GADL1: variants seen among roughly 807,000 people sequenced by gnomAD.
GADL1 encodes GAD like acidic amino acid decarboxylase 1.
Under a neutral mutation model 69.5 loss-of-function variants are expected in GADL1, and 71 were observed. The ratio of observed to expected loss-of-function variants is 1.02; its 90% CI spans 0.84 to 1.25. The LOEUF (loss-of-function observed/expected upper bound fraction) is 1.25, where lower values mean the gene tolerates loss of function less well. Among genes scored for constraint, GADL1 ranks in the 50% most tolerant of loss-of-function variants. The pLI is 0.00. For missense variants in GADL1, 737 were observed against 631.8 expected (o/e 1.17, Z -1.79); for synonymous variants, 254 against 214.4 (o/e 1.18, Z -1.62).
intron 2 of GADL1, among the ~76,000 whole-genome samples, chr3:30,860,658 A>G (rs753206663): frequency 1.3e-5 from 2 of 152,046 alleles, no homozygotes; most frequent in African/African-American, 4.8e-5. Flanking sequence ...TTTAAAAATG[A>G]TACTTATTTC....
intron 1 of GADL1, among the ~76,000 whole-genome samples, chr3:30,865,337 G>A (rs1034361389): frequency 4.0e-5 from 6 of 151,294 alleles, no homozygotes; most frequent in African/African-American, 1.5e-4. Flanking sequence ...AATAAAGAAA[G>A]GTTAAGCTCT....
chr3:30,856,096 G>C (rs528225127), intron 3 of GADL1, among the ~76,000 whole-genome samples: 3 of 152,060 alleles, frequency 2.0e-5, no homozygotes, highest in Admixed American at 6.6e-5. Flanking sequence ...GTAATAATAA[G>C]ATACATATCT....
chr3:30,860,405 TA>T (rs974608323), intron 2 of GADL1, among the ~76,000 whole-genome samples: 6 of 151,742 alleles, frequency 4.0e-5, no homozygotes, highest in African/African-American at 1.2e-4. Context: ...TAAAGGCCAA[TA>T]AAAAAAACTG....
At chr3:30,735,297 TTTC>T (rs1300225898) in intron 14 of GADL1, among the ~76,000 whole-genome samples, 1 of 152,170 alleles carries the variant, frequency 6.6e-6, no homozygotes, top group Non-Finnish European at 1.5e-5. Context: ...TTCACTCTAT[TTTC>T]TTCTTCTTCT....
intron 6 of GADL1, among the ~76,000 whole-genome samples, chr3:30,847,755 A>G (rs1698081325): frequency 6.6e-6 from 1 of 152,166 alleles, no homozygotes. Flanking sequence ...CATGTTAGCC[A>G]AGGCATATAT....
At chr3:30,757,739 C>T (rs2125482875) in intron 14 of GADL1, among the ~76,000 whole-genome samples, 1 of 152,070 alleles carries the variant, frequency 6.6e-6, no homozygotes, top group Admixed American at 6.5e-5. Flanking sequence ...AGGAGTTCTA[C>T]AACTCCTACA....
chr3:30,871,658 C>G lies in GADL1; in HGVS notation c.38-9893G>C, dbSNP rs1013706993. 1.2e-4 allele frequency among the ~76,000 whole-genome samples: 18 copies of G among 151,758 alleles called. 1 individual carries two copies. Among genetic ancestry groups the G allele is most frequent in the African/African-American group, 4.4e-4 (18 of 41,244 alleles). ...TGGGAGGGAACATGTTCCCGTCACC[C>G]AGAGTTTTACATTATGAGACTACGT... On this transcript the variant is annotated intron_variant, in intron 1 of 14. Coordinates refer to ENST00000282538, the MANE Select transcript of GADL1 (RefSeq NM_207359.3).
At chr3:30,765,551 C>T (rs1443846293) in intron 14 of GADL1, among the ~76,000 whole-genome samples, 1 of 152,218 alleles carries the variant, frequency 6.6e-6, no homozygotes, top group African/African-American at 2.4e-5. Context: ...AGTACCAGGG[C>T]TTGCTTCATG....
intron 11 of GADL1, among the ~76,000 whole-genome samples, chr3:30,826,709 G>T (rs1167493612): frequency 6.6e-6 from 1 of 151,030 alleles, no homozygotes; most frequent in African/African-American, 2.5e-5. Context: ...GTCAAGAGAG[G>T]ACCCAGGGAG....
At chr3:30,827,235 GGTGA>G (rs1697696032) in intron 11 of GADL1, among the ~76,000 whole-genome samples, 2 of 151,290 alleles carry the variant, frequency 1.3e-5, no homozygotes, top group African/African-American at 4.8e-5. Flanking sequence ...GAGCGATAGT[GGTGA>G]GTGAGACCCA....
chr3:30,769,767 TGA>T (rs1696374918), intron 14 of GADL1, among the ~76,000 whole-genome samples: 1 of 151,380 alleles, frequency 6.6e-6, no homozygotes, highest in Non-Finnish European at 1.5e-5. Flanking sequence ...TTGACAGATC[TGA>T]CAGTATGAGA....
chr3:30,820,389 T>C (rs185764525), intron 11 of GADL1, among the ~76,000 whole-genome samples: 17 of 152,176 alleles, frequency 1.1e-4, no homozygotes, highest in African/African-American at 3.4e-4. Context: ...TTGTAACCAA[T>C]ATGAAGCTAG....
intron 13 of GADL1, among the ~76,000 whole-genome samples, 179 bp from the exon 14 acceptor site, chr3:30,778,447 T>G (rs1696588868): frequency 6.6e-6 from 1 of 152,148 alleles, no homozygotes; most frequent in Admixed American, 6.5e-5. Context: ...ATTTAAAAAT[T>G]TTCTACTCCA....
At chr3:30,746,117 T>C (rs1695699310) in intron 14 of GADL1, among the ~76,000 whole-genome samples, 1 of 151,968 alleles carries the variant, frequency 6.6e-6, no homozygotes, top group Non-Finnish European at 1.5e-5. Flanking sequence ...GCCTCCCGAG[T>C]AGCTGGGATT....
chr3:30,850,922 G>C lies in GADL1; in HGVS notation c.448C>G (p.Pro150Ala). Residue 150 changes from proline (P) to alanine (A), a missense_variant, in exon 5 of 15, where the codon CCA (proline) becomes GCA (alanine). By Grantham distance (27) the Pro-to-Ala change is conservative. Coordinates refer to ENST00000282538, the MANE Select transcript of GADL1 (RefSeq NM_207359.3). ...GCTTCTTCCACTAACAGAAACACTG[G>C]GGACACCTCATACGTATAACTAGAT... ...NPSVYTYEVSPVFLLVEEAVL... is the reference protein window; with the variant it reads ...NPSVYTYEVSAVFLLVEEAVL... The C allele has an allele frequency of 1.3e-6, 2 of 1,543,386 alleles. No individual in the cohort carries two copies. Among genetic ancestry groups the C allele is most frequent in the Non-Finnish European group, 8.8e-7 (1 of 1,139,780 alleles).
intron 11 of GADL1, among the ~76,000 whole-genome samples, chr3:30,831,109 A>G (rs1488185020): frequency 6.6e-6 from 1 of 151,888 alleles, no homozygotes; most frequent in Non-Finnish European, 1.5e-5. Context: ...GTTCCCCTCC[A>G]ATTCATTGTC....
intron 12 of GADL1, among the ~76,000 whole-genome samples, chr3:30,789,853 G>C (rs144324999): frequency 6.6e-6 from 1 of 152,162 alleles, no homozygotes; most frequent in African/African-American, 2.4e-5. Context: ...TTAGGGTCTT[G>C]CTCTGAATTG....
At chr3:30,880,514 A>G (rs1698629182) in intron 1 of GADL1, among the ~76,000 whole-genome samples, 1 of 151,944 alleles carries the variant, frequency 6.6e-6, no homozygotes, top group African/African-American at 2.4e-5. Flanking sequence ...GCTGCCATGT[A>G]AGATGTGCCT....
chr3:30,789,247 C>T (rs994786538), intron 12 of GADL1, among the ~76,000 whole-genome samples: 5 of 152,316 alleles, frequency 3.3e-5, no homozygotes, highest in African/African-American at 1.2e-4. Flanking sequence ...TGTACATCTC[C>T]ATCAGAGCTC....
Sources: allele counts gnomAD v4.1 joint callset (sites outside exome capture counted in the v4.1 genomes callset), GRCh38; gene constraint gnomAD v4.1.1; transcripts MANE v1.5; gene names NCBI Gene and HGNC (gene_info 2026-07-23, HGNC 2026-07-21).